The following GARIN3 variants were observed in gnomAD, a reference collection of about 807,000 sequenced individuals.
The protein encoded by GARIN3 is Golgi-associated RAB2 interactor protein 3.
At chr5:157,164,221 C>T in the GARIN3 span, among the ~76,000 whole-genome samples, 15 of 144,824 alleles carry the variant, frequency 1.0e-4, no homozygotes, top group Admixed American at 9.3e-4. Context: ...ACGATCTTGG[C>T]TCACTGCAAT....
At chr5:157,162,030 G>A in the GARIN3 span, 1 of 198,228 alleles carries the variant, frequency 5.0e-6, no homozygotes, top group Non-Finnish European at 1.0e-5. Context: ...TCTCTGCATA[G>A]GCTAAGAACT....
the GARIN3 span, chr5:157,165,448 C>T: frequency 1.4e-6 from 2 of 1,476,826 alleles, no homozygotes; most frequent in Non-Finnish European, 1.8e-6. Flanking sequence ...AGCCCTTGCA[C>T]ATGCAATACT....
chr5:157,166,084 G>T, the GARIN3 span: 1 of 1,614,186 alleles, frequency 6.2e-7, no homozygotes, highest in African/African-American at 1.3e-5. Context: ...AATTGTCGTT[G>T]CAGGTCCCCC....
the GARIN3 span, chr5:157,165,517 C>G: frequency 1.3e-6 from 2 of 1,554,126 alleles, no homozygotes; most frequent in Non-Finnish European, 1.7e-6. Context: ...TTGAACTGCT[C>G]CCCCAAAGAA....
the GARIN3 span, chr5:157,163,329 C>A: frequency 3.1e-6 from 5 of 1,614,000 alleles, no homozygotes; most frequent in Non-Finnish European, 4.2e-6. Flanking sequence ...CTCCCGCCAG[C>A]GCTGTGGTCA....
chr5:157,163,273 G>A, the GARIN3 span: 81 of 1,614,208 alleles, frequency 5.0e-5, no homozygotes, highest in South Asian at 8.6e-4. Context: ...GGCAGCACCT[G>A]CCATGGACTT....
chr5:157,162,705 A>T, the GARIN3 span: 2 of 1,614,212 alleles, frequency 1.2e-6, no homozygotes, highest in Non-Finnish European at 1.7e-6. Flanking sequence ...TGCTAGATGC[A>T]GATTGGTTCT....
At chr5:157,162,200 GGCC>G in the GARIN3 span, 1 of 557,820 alleles carries the variant, frequency 1.8e-6, no homozygotes, top group Non-Finnish European at 3.1e-6. Context: ...TGGCTCTGCT[GGCC>G]GTGGGCGGGT....
chr5:157,161,949 C>A, the GARIN3 span: 1 of 154,320 alleles, frequency 6.5e-6, no homozygotes, highest in African/African-American at 2.4e-5. Context: ...ATTTCCTATT[C>A]TAATTGCCTA....
chr5:157,166,247 T>C, the GARIN3 span: 1 of 1,541,246 alleles, frequency 6.5e-7, no homozygotes, highest in East Asian at 2.3e-5. Flanking sequence ...TAACTGCCCA[T>C]CTCCCTACAG....
chr5:157,162,720 C>A, the GARIN3 span: 1 of 1,614,228 alleles, frequency 6.2e-7, no homozygotes, highest in Non-Finnish European at 8.5e-7. Context: ...GGTTCTTCCC[C>A]AGTTCCTGAG....
chr5:157,162,804 G>C, the GARIN3 span: 6 of 1,614,170 alleles, frequency 3.7e-6, no homozygotes, highest in Non-Finnish European at 4.2e-6. Context: ...TGCCCCTTAC[G>C]TTGCTGTACC....
chr5:157,162,858 G>A, the GARIN3 span: 6 of 1,613,986 alleles, frequency 3.7e-6, no homozygotes, highest in African/African-American at 2.7e-5. Context: ...GGCCAGATGC[G>A]GACCGGTGGG....
chr5:157,165,712 G>A, the GARIN3 span: 3 of 1,614,180 alleles, frequency 1.9e-6, no homozygotes, highest in Non-Finnish European at 2.5e-6. Flanking sequence ...GGACACAACT[G>A]CAGATAAAAA....
chr5:157,165,483 AC>A, the GARIN3 span: 1 of 1,520,292 alleles, frequency 6.6e-7, no homozygotes, highest in Non-Finnish European at 8.8e-7. Context: ...CTCAGAAGGC[AC>A]CAAAGGCTTT....
the GARIN3 span, chr5:157,165,967 G>A: frequency 6.8e-6 from 11 of 1,614,036 alleles, no homozygotes; most frequent in East Asian, 6.7e-5. Context: ...GTCACCATTC[G>A]GACACGGTTG....
chr5:157,162,830 C>G, the GARIN3 span: 2 of 1,613,594 alleles, frequency 1.2e-6, no homozygotes, highest in Non-Finnish European at 1.7e-6. Flanking sequence ...TCTTTTTTGT[C>G]ATCTCTCGTG....
the GARIN3 span, among the ~76,000 whole-genome samples, chr5:157,164,372 G>A: frequency 6.6e-5 from 10 of 152,022 alleles, no homozygotes; most frequent in Admixed American, 1.3e-4. Context: ...GGCTGGTGTC[G>A]ATCTCCTGAC....
chr5:157,162,977 C>T, the GARIN3 span: 1 of 1,614,208 alleles, frequency 6.2e-7, no homozygotes, highest in African/African-American at 1.3e-5. Flanking sequence ...TCTCTTCTTT[C>T]CTTGTTTTCA....
Sources: allele counts gnomAD v4.1 joint callset (sites outside exome capture counted in the v4.1 genomes callset), GRCh38; gene constraint gnomAD v4.1.1; transcripts MANE v1.5; gene names NCBI Gene and HGNC (gene_info 2026-07-23, HGNC 2026-07-21).